The following NLGN1 variants were observed in gnomAD, a reference collection of about 807,000 sequenced individuals.
NLGN1 encodes neuroligin-1.
Under a neutral mutation model 65.5 loss-of-function variants are expected in NLGN1, and 12 were observed. The ratio of observed to expected loss-of-function variants is 0.18; its 90% CI spans 0.12 to 0.30. NLGN1 has a LOEUF of 0.30. Ranked by LOEUF, NLGN1 falls within the 10% of genes least tolerant of loss-of-function variation. The probability of loss-of-function intolerance (pLI) is 1.00; values close to 1 mark genes in which losing one functional copy is unlikely to be tolerated. For missense variants in NLGN1, 750 were observed against 1,007.1 expected (o/e 0.74, Z 3.46); for synonymous variants, 350 against 359.5 (o/e 0.97, Z 0.30).
Position 173,604,440 on chromosome 3 carries a change from T to A in NLGN1, c.-159T>A. ...GCTGCTCCAATACATGTGAAATCAA[T>A]GGGAGATATCTGCTGTCTGAAGATC... On this transcript the variant is annotated 5_prime_UTR_variant, in exon 3 of 7. The change abolishes an upstream ATG in the 5' untranslated region. Transcript: ENST00000457714. 1 of 723,768 alleles carries A rather than the reference T, an allele frequency of 1.4e-6. No individual in the cohort carries two copies. The highest frequency in any genetic ancestry group is 1.7e-5 in the South Asian group (1 of 58,004). 44.8% of individuals were successfully genotyped at this position (723,768 alleles called of 1,614,324 possible).
intron 4 of NLGN1, among the ~76,000 whole-genome samples, chr3:174,177,947 G>A (rs751878565): frequency 5.5e-4 from 84 of 152,204 alleles, no homozygotes; most frequent in Non-Finnish European, 9.3e-4. Context: ...AGTGATAAGA[G>A]CATCAGTTCC....
In NLGN1 at chr3:173,497,956, C is replaced by A. The variant is rs376731379; in HGVS notation, c.-321+62878C>A. 3.0e-4 allele frequency among the ~76,000 whole-genome samples: 45 copies of A among 151,852 alleles called. No individual in the cohort carries two copies. The South Asian group carries it at 8.9e-3, about 30-fold the overall frequency. On this transcript the variant is annotated intron_variant, in intron 2 of 6. Coordinates refer to ENST00000457714, the Ensembl canonical transcript of NLGN1. Reference sequence around the variant, plus strand: ...ATTCCTTTGTTGTTCAGAAGATAGGCACTTTTTATAAGGTTTTAGTTATCA... The same window carrying A: ...ATTCCTTTGTTGTTCAGAAGATAGGAACTTTTTATAAGGTTTTAGTTATCA...
intron 1 of NLGN1, among the ~76,000 whole-genome samples, chr3:173,431,477 C>G (rs907775624): frequency 6.6e-6 from 1 of 151,972 alleles, no homozygotes. Flanking sequence ...ATTGACAAAC[C>G]TGATGAAATC....
At chr3:174,167,684 G>A (rs1462462918) in intron 4 of NLGN1, among the ~76,000 whole-genome samples, 1 of 148,458 alleles carries the variant, frequency 6.7e-6, no homozygotes, top group African/African-American at 2.5e-5. Flanking sequence ...ATGCCTTGGT[G>A]ATATTCATTT....
intron 3 of NLGN1, among the ~76,000 whole-genome samples, chr3:173,725,864 G>A (rs1771675332): frequency 6.6e-6 from 1 of 152,038 alleles, no homozygotes; most frequent in South Asian, 2.1e-4. Context: ...CTGTCTTACT[G>A]GCTGTTGGCT....
At chr3:174,287,687 A>G (rs530103566), downstream of NLGN1, among the ~76,000 whole-genome samples, 2 of 151,560 alleles carry the variant, frequency 1.3e-5, no homozygotes, top group Non-Finnish European at 3.0e-5. Context: ...AAACTTTTCT[A>G]TCTCCCCTGA....
intron 4 of NLGN1, among the ~76,000 whole-genome samples, chr3:173,937,548 A>T (rs1001626580): frequency 2.0e-5 from 3 of 152,126 alleles, no homozygotes; most frequent in Non-Finnish European, 4.4e-5. Context: ...AACTTTGTGA[A>T]TTTTTAAAAT....
At chr3:174,063,238 A>G (rs1580084530) in intron 4 of NLGN1, among the ~76,000 whole-genome samples, 2 of 152,296 alleles carry the variant, frequency 1.3e-5, no homozygotes, top group East Asian at 3.9e-4. Flanking sequence ...CTGAACTCAG[A>G]ATTTTATTTC....
chr3:173,607,820 G>A (rs1463895845), intron 3 of NLGN1, among the ~76,000 whole-genome samples: 1 of 151,340 alleles, frequency 6.6e-6, no homozygotes, highest in African/African-American at 2.4e-5. Context: ...TATGAATGAT[G>A]GTTCAGGAAC....
intron 4 of NLGN1, among the ~76,000 whole-genome samples, chr3:174,173,813 A>ATTTC (rs1050480610): frequency 6.6e-6 from 1 of 151,484 alleles, no homozygotes; most frequent in East Asian, 1.9e-4. Flanking sequence ...CTTTTATCTA[A>ATTTC]TTTCTTTCTT....
At chr3:173,410,123 G>C (rs1386675556) in intron 1 of NLGN1, among the ~76,000 whole-genome samples, 1 of 152,142 alleles carries the variant, frequency 6.6e-6, no homozygotes, top group Non-Finnish European at 1.5e-5. Flanking sequence ...CTTTGATTTA[G>C]TTTTTCTGTC....
At chr3:174,265,269 C>T (rs1232447496) in intron 4 of NLGN1, among the ~76,000 whole-genome samples, 1 of 151,606 alleles carries the variant, frequency 6.6e-6, no homozygotes, top group Non-Finnish European at 1.5e-5. Context: ...GCGGGCGCCA[C>T]TCCCCCAGCC....
chr3:173,447,901 C>T (rs1388546087), intron 2 of NLGN1, among the ~76,000 whole-genome samples: 1 of 152,102 alleles, frequency 6.6e-6, no homozygotes, highest in Non-Finnish European at 1.5e-5. Flanking sequence ...GTGATTTTTG[C>T]ACATTGATTT....
At chr3:174,067,441 A>G (rs890270980) in intron 4 of NLGN1, among the ~76,000 whole-genome samples, 17 of 152,202 alleles carry the variant, frequency 1.1e-4, no homozygotes, top group East Asian at 7.7e-4. Flanking sequence ...GTTAAATTAG[A>G]GAAGGTATTT....
chr3:174,250,962 G>T (rs996887699), intron 4 of NLGN1, among the ~76,000 whole-genome samples: 8 of 151,888 alleles, frequency 5.3e-5, no homozygotes, highest in African/African-American at 1.9e-4. Flanking sequence ...AGCCTAATAG[G>T]GAATCAAGGT....
chr3:173,577,208 T>G (rs1024128384), intron 2 of NLGN1, among the ~76,000 whole-genome samples: 3 of 152,226 alleles, frequency 2.0e-5, no homozygotes, highest in East Asian at 3.9e-4. Context: ...ACCAGACTTA[T>G]GAATGATGAG....
Position 173,604,532 on chromosome 3 carries a change from T to C in NLGN1, c.-67T>C, listed in dbSNP as rs1751056790. ...AGGTATATTCTACCATTATACAGTC[T>C]TTCTCAAGTGGATATAAATACGTTT... On this transcript the variant is annotated 5_prime_UTR_variant, in exon 3 of 7. Transcript: ENST00000457714. 6 of 1,548,152 alleles carry C rather than the reference T, an allele frequency of 3.9e-6. No homozygotes were observed. The East Asian group carries it at 1.4e-4, about 35-fold the overall frequency.
chr3:174,034,136 AAAG>A (rs916082237), intron 4 of NLGN1, among the ~76,000 whole-genome samples: 11 of 152,268 alleles, frequency 7.2e-5, no homozygotes, highest in African/African-American at 1.9e-4. Flanking sequence ...GAAGCCATGC[AAAG>A]AAGAAGAAAG....
chr3:174,199,359 G>A (rs904377836), intron 4 of NLGN1, among the ~76,000 whole-genome samples: 5 of 151,492 alleles, frequency 3.3e-5, no homozygotes, highest in African/African-American at 1.2e-4. Flanking sequence ...TTAAGTGTTT[G>A]ATCAATGTTG....
Sources: allele counts gnomAD v4.1 joint callset (sites outside exome capture counted in the v4.1 genomes callset), GRCh38; gene constraint gnomAD v4.1.1; transcripts MANE v1.5; gene names NCBI Gene and HGNC (gene_info 2026-07-23, HGNC 2026-07-21).